The following MEIKIN variants were observed in gnomAD, a reference collection of about 807,000 sequenced individuals.
MEIKIN encodes the protein meiosis-specific kinetochore protein.
At chr5:131,815,925 T>C (rs1205944900) in intron 12 of MEIKIN, among the ~76,000 whole-genome samples, 1 of 152,250 alleles carries the variant, frequency 6.6e-6, no homozygotes, top group African/African-American at 2.4e-5. Context: ...TAAATACCTG[T>C]TACGATCACC....
intron 5 of MEIKIN, among the ~76,000 whole-genome samples, chr5:131,925,997 A>C (rs966595854): frequency 6.6e-6 from 1 of 152,120 alleles, no homozygotes; most frequent in African/African-American, 2.4e-5. Flanking sequence ...TTTACATATA[A>C]GATCATGTCA....
At chr5:131,839,623 G>T (rs946472292) in intron 11 of MEIKIN, among the ~76,000 whole-genome samples, 4 of 151,974 alleles carry the variant, frequency 2.6e-5, no homozygotes, top group South Asian at 2.1e-4. Context: ...TGTCTTTTTT[G>T]ATCTTTGTTG....
At chr5:131,864,204 T>G (rs115934030) in intron 9 of MEIKIN, among the ~76,000 whole-genome samples, 1,835 of 152,334 alleles carry the variant, frequency 0.012, 42 homozygotes, top group African/African-American at 0.04. Flanking sequence ...TGTTATATTC[T>G]TAATTGTTTT....
At chr5:131,927,187 C>T (rs556018611) in intron 5 of MEIKIN, among the ~76,000 whole-genome samples, 47 of 148,358 alleles carry the variant, frequency 3.2e-4, no homozygotes, top group African/African-American at 1.0e-3. Flanking sequence ...TGCTTTCATC[C>T]GAAGATATTT....
intron 12 of MEIKIN, among the ~76,000 whole-genome samples, chr5:131,816,494 T>C (rs1204810648): frequency 6.6e-6 from 1 of 152,222 alleles, no homozygotes; most frequent in Non-Finnish European, 1.5e-5. Flanking sequence ...CATTGGCTCC[T>C]GCCCAAGAGT....
intron 4 of MEIKIN, among the ~76,000 whole-genome samples, chr5:131,940,037 G>A (rs951935924): frequency 6.6e-6 from 1 of 152,196 alleles, no homozygotes; most frequent in South Asian, 2.1e-4. Flanking sequence ...ATTCTCAATG[G>A]TTTTAGAGCC....
intron 11 of MEIKIN, among the ~76,000 whole-genome samples, chr5:131,831,539 G>A (rs1014247092): frequency 1.2e-4 from 18 of 152,158 alleles, no homozygotes; most frequent in Non-Finnish European, 2.1e-4. Flanking sequence ...CGGGGTGACA[G>A]AGCAACAACG....
intron 8 of MEIKIN, among the ~76,000 whole-genome samples, chr5:131,882,893 T>A (rs2149629893): frequency 6.6e-6 from 1 of 152,316 alleles, no homozygotes; most frequent in African/African-American, 2.4e-5. Flanking sequence ...TCCACAAGGC[T>A]GACTCTCTAA....
At chr5:131,887,221 CA>C (rs1414151126) in intron 8 of MEIKIN, among the ~76,000 whole-genome samples, 1 of 152,020 alleles carries the variant, frequency 6.6e-6, no homozygotes, top group African/African-American at 2.4e-5. Context: ...TTTCTTAATC[CA>C]GTCTATCATT....
intron 6 of MEIKIN, among the ~76,000 whole-genome samples, chr5:131,917,641 AATAG>A (rs1751434475): frequency 6.6e-6 from 1 of 152,100 alleles, no homozygotes; most frequent in South Asian, 2.1e-4. Context: ...AATGCATACT[AATAG>A]ATTGATTAGT....
chr5:131,873,860 G>A (rs1268199628), intron 9 of MEIKIN, among the ~76,000 whole-genome samples: 3 of 152,098 alleles, frequency 2.0e-5, no homozygotes, highest in African/African-American at 7.2e-5. Flanking sequence ...CCACTCAACT[G>A]CATGGAAACT....
intron 4 of MEIKIN, among the ~76,000 whole-genome samples, chr5:131,941,816 C>T (rs1031916383): frequency 6.6e-6 from 1 of 152,198 alleles, no homozygotes; most frequent in African/African-American, 2.4e-5. Flanking sequence ...GTGAATGACA[C>T]TACCTTGTAT....
At chr5:131,921,730 A>T in intron 6 of MEIKIN, 92 bp downstream of exon 6, 1 of 396,666 alleles carries the variant, frequency 2.5e-6, no homozygotes, top group Non-Finnish European at 4.4e-6. Flanking sequence ...AGGCAATCCA[A>T]CTGATAGACT....
chr5:131,938,618 A>T (rs572931768), intron 4 of MEIKIN, among the ~76,000 whole-genome samples: 1 of 152,146 alleles, frequency 6.6e-6, no homozygotes, highest in South Asian at 2.1e-4. Flanking sequence ...CCAATTCTAC[A>T]GAATGTTTTC....
chr5:131,920,173 G>C (rs147181911), intron 6 of MEIKIN, among the ~76,000 whole-genome samples: 1 of 152,032 alleles, frequency 6.6e-6, no homozygotes, highest in Admixed American at 6.6e-5. Context: ...ATATATACTA[G>C]AAATAAATAA....
At chr5:131,818,299 G>A (rs1240414153) in intron 12 of MEIKIN, among the ~76,000 whole-genome samples, 3 of 152,146 alleles carry the variant, frequency 2.0e-5, no homozygotes, top group African/African-American at 7.2e-5. Context: ...ATAATTATAA[G>A]AGAAAGTATC....
intron 11 of MEIKIN, among the ~76,000 whole-genome samples, chr5:131,822,480 G>T (rs1401576261): frequency 6.6e-6 from 1 of 151,792 alleles, no homozygotes; most frequent in Admixed American, 6.6e-5. Context: ...TTGATTTGAG[G>T]TTACCATGAG....
intron 8 of MEIKIN, among the ~76,000 whole-genome samples, chr5:131,888,904 G>A (rs1561745454): frequency 6.6e-6 from 1 of 152,166 alleles, no homozygotes; most frequent in African/African-American, 2.4e-5. Flanking sequence ...GTAAGGAAGG[G>A]ATCCAGTTTC....
At chr5:131,909,094 G>A (rs1751292102) in intron 8 of MEIKIN, among the ~76,000 whole-genome samples, 2 of 152,166 alleles carry the variant, frequency 1.3e-5, no homozygotes, top group South Asian at 4.1e-4. Context: ...GAACACAAAA[G>A]ATCCAGAATA....
Sources: allele counts gnomAD v4.1 joint callset (sites outside exome capture counted in the v4.1 genomes callset), GRCh38; gene constraint gnomAD v4.1.1; transcripts MANE v1.5; gene names NCBI Gene and HGNC (gene_info 2026-07-23, HGNC 2026-07-21).